Variants in PIEZO2 observed in about 807,000 individuals in gnomAD.
PIEZO2 encodes the protein piezo-type mechanosensitive ion channel component 2.
Under a neutral mutation model 337.3 loss-of-function variants are expected in PIEZO2, and 172 were observed. The ratio of observed to expected loss-of-function variants is 0.51; its 90% CI spans 0.45 to 0.58. The LOEUF (loss-of-function observed/expected upper bound fraction) is 0.58, where lower values mean the gene tolerates loss of function less well. Ranked by LOEUF, PIEZO2 falls within the 20% of genes least tolerant of loss-of-function variation. The pLI, the probability that PIEZO2 is intolerant of heterozygous loss-of-function variation, is 0.00. For synonymous variants in PIEZO2, 1,251 were observed against 1,228.5 expected, an observed-to-expected ratio of 1.02 and a Z score of -0.38; for missense variants, 3,028 against 3,391.3, an observed-to-expected ratio of 0.89 and a Z score of 2.66.
rs2036829225 is a variant in PIEZO2, at chr18:11,033,976, G to C, written c.160+32151C>G. On this transcript the variant is annotated intron_variant, in intron 2 of 55. Transcript: ENST00000674853. The surrounding 1 kb of genome is among the most constrained non-coding windows in gnomAD (Gnocchi z 4.2). ...AATGTTGTGCTGATTTGAAACTGAA[G>C]GGGAAAAAAACCCTCAGATTTAAAA... Among the ~76,000 whole-genome samples the C allele has an allele frequency of 6.6e-6, 1 of 151,500 alleles. No individual in the cohort carries two copies. The highest frequency in any genetic ancestry group is 1.9e-4 in the East Asian group (1 of 5,140).
chr18:10,687,363 T>G (rs572079265), intron 49 of PIEZO2, among the ~76,000 whole-genome samples: 1 of 152,166 alleles, frequency 6.6e-6, no homozygotes, highest in Admixed American at 6.5e-5. Context: ...TCATTCAGCT[T>G]GTGTCACCAT....
At chr18:10,965,041 C>G (rs2033940189) in intron 3 of PIEZO2, among the ~76,000 whole-genome samples, 1 of 152,078 alleles carries the variant, frequency 6.6e-6, no homozygotes, top group African/African-American at 2.4e-5. Context: ...TTCTATTTAT[C>G]TACTTATTCA....
At chr18:11,100,878 A>G (rs377706218) in intron 1 of PIEZO2, among the ~76,000 whole-genome samples, 35 of 152,178 alleles carry the variant, frequency 2.3e-4, no homozygotes, top group African/African-American at 7.7e-4. Context: ...TACAGGCATG[A>G]GCCACCGTGC....
rs2038667931 is a variant in PIEZO2, at chr18:10,773,309, T to C, written c.2785+103A>G. ...AAAAACCACTCCAATTTTTATGTCATGGACTGGGTCAAATATATATTCTTT... is the reference window on the plus strand; with the variant it reads ...AAAAACCACTCCAATTTTTATGTCACGGACTGGGTCAAATATATATTCTTT... On this transcript the variant is annotated intron_variant, in intron 20 of 55. Transcript: ENST00000674853. This position sits in a 1 kb window ranked among gnomAD's most constrained non-coding sequence, Gnocchi z 5.3. The C allele has an allele frequency of 8.4e-7, 1 of 1,195,302 alleles. No individual in the cohort carries two copies. The highest frequency in any genetic ancestry group is 1.5e-5 in the African/African-American group (1 of 65,850). The allele number at this position is 1,195,302 out of a possible 1,614,324, so 74.0% of individuals were successfully genotyped here.
chr18:10,691,916 G>A (rs910312320), intron 47 of PIEZO2, among the ~76,000 whole-genome samples: 1 of 151,182 alleles, frequency 6.6e-6, no homozygotes, highest in Admixed American at 6.6e-5. Flanking sequence ...AACAAACTCT[G>A]GAAACACCTG....
At position 10,980,183 on chromosome 18, in the gene PIEZO2, A is replaced by G. The variant is rs1210806265; in HGVS notation, c.161-523T>C. Among the ~76,000 whole-genome samples, 1 of 152,146 alleles carries G rather than the reference A, an allele frequency of 6.6e-6. No individual in the cohort carries two copies. Among genetic ancestry groups the G allele is most frequent in the East Asian group, 1.9e-4 (1 of 5,198 alleles). On this transcript the variant is annotated intron_variant, in intron 2 of 55. Coordinates refer to ENST00000674853, the MANE Select transcript of PIEZO2 (RefSeq NM_001378183.1). The surrounding 1 kb of genome is among the most constrained non-coding windows in gnomAD (Gnocchi z 4.8). ...TGTTAACCAACTGAAATAGCATAGAAAAAATATAATACATAGGTTAAGGTT... is the reference window on the plus strand; with the variant it reads ...TGTTAACCAACTGAAATAGCATAGAGAAAATATAATACATAGGTTAAGGTT...
At position 11,109,873 on chromosome 18, in the gene PIEZO2, A is replaced by G. The variant is rs2039679493; in HGVS notation, c.64+38652T>C. 6.6e-6 allele frequency among the ~76,000 whole-genome samples: 1 copy of G among 152,204 alleles called. No homozygotes were observed. Among genetic ancestry groups the G allele is most frequent in the African/African-American group, 2.4e-5 (1 of 41,432 alleles). On this transcript the variant is annotated intron_variant, in intron 1 of 55. Coordinates refer to ENST00000674853, the MANE Select transcript of PIEZO2 (RefSeq NM_001378183.1). The surrounding 1 kb of genome is among the most constrained non-coding windows in gnomAD (Gnocchi z 5.1). ...CTTGCTTTCCTTTACTGAAATTTCT[A>G]GTTAGATTTGACTTTATTATAGTCA...
At position 10,696,095 on chromosome 18, in the gene PIEZO2, A is replaced by ATGTG; in HGVS notation, c.7168_7169insCACA (p.Ile2390ThrfsTer8). On this transcript the variant is annotated frameshift_variant, in exon 47 of 56. Coordinates refer to ENST00000674853, the MANE Select transcript of PIEZO2 (RefSeq NM_001378183.1). LOFTEE classifies it high-confidence loss of function. Reference sequence around the variant, plus strand: ...TTACCTCTCAGTCACACCAGGTAAGATGAAGAACATCCAGAAGTGAATTCC... The same window carrying ATGTG: ...TTACCTCTCAGTCACACCAGGTAAGATGTGTGAAGAACATCCAGAAGTGAATTCC... 1 of 1,614,046 alleles carries ATGTG rather than the reference A, an allele frequency of 6.2e-7. No individual in the cohort carries two copies. Among genetic ancestry groups the ATGTG allele is most frequent in the Non-Finnish European group, 8.5e-7 (1 of 1,179,886 alleles).
In PIEZO2 at chr18:11,033,775, T is replaced by G. The variant is rs563857049; in HGVS notation, c.160+32352A>C. On this transcript the variant is annotated intron_variant, in intron 2 of 55. Transcript: ENST00000674853. The surrounding 1 kb of genome is among the most constrained non-coding windows in gnomAD (Gnocchi z 4.2). ...AGGAAGTCAAAATTTGATTTAAAAT[T>G]GGTATCCGACCGAACAAGCTTGGGA... 6.6e-6 allele frequency among the ~76,000 whole-genome samples: 1 copy of G among 152,268 alleles called. No individual in the cohort carries two copies. Among genetic ancestry groups the G allele is most frequent in the African/African-American group, 2.4e-5 (1 of 41,538 alleles).
rs928371338 is a variant in PIEZO2, at chr18:10,766,965, C to T, written c.2946+3183G>A. 2.0e-5 allele frequency among the ~76,000 whole-genome samples: 3 copies of T among 151,716 alleles called. No individual in the cohort carries two copies. The highest frequency in any genetic ancestry group is 2.9e-5 in the Non-Finnish European group (2 of 67,842). The stretch of plus-strand genomic sequence containing the variant: ...CCTCAGGTCTGCAAAAGTTTCCTTC[C>T]TTCCTTCCTCCCACCTTCCATTCCC... On this transcript the variant is annotated intron_variant, in intron 21 of 55. Transcript: ENST00000674853. This position sits in a 1 kb window ranked among gnomAD's most constrained non-coding sequence, Gnocchi z 6.1.
chr18:11,090,689 T>C (rs1296765264), intron 1 of PIEZO2, among the ~76,000 whole-genome samples: 2 of 152,100 alleles, frequency 1.3e-5, no homozygotes, highest in African/African-American at 4.8e-5. Context: ...AGAAGGGCGA[T>C]TCACGAGGTC....
At chr18:10,958,174 T>C (rs190490555) in intron 3 of PIEZO2, among the ~76,000 whole-genome samples, 2 of 152,292 alleles carry the variant, frequency 1.3e-5, no homozygotes, top group East Asian at 3.9e-4. Context: ...TAAAAGTATA[T>C]ACACAATGGA....
At position 10,797,202 on chromosome 18, in the gene PIEZO2, A is replaced by G. The variant is rs200395146; in HGVS notation, c.1527+172T>C. On this transcript the variant is annotated intron_variant, in intron 12 of 55. Coordinates refer to ENST00000674853, the MANE Select transcript of PIEZO2 (RefSeq NM_001378183.1). Reference sequence around the variant, plus strand: ...CTACCATCATATCATACATACCATCATATCATATCTTACATACCATCATAT... The same window carrying G: ...CTACCATCATATCATACATACCATCGTATCATATCTTACATACCATCATAT... Among the ~76,000 whole-genome samples, 157 of 80,874 alleles carry G rather than the reference A, an allele frequency of 1.9e-3. No homozygotes were observed. In the East Asian group the frequency reaches 0.042, roughly 21 times the overall value. 53.1% of individuals were successfully genotyped at this position (80,874 alleles called of 152,430 possible).
chr18:11,090,361 G>T (rs907248274), intron 1 of PIEZO2, among the ~76,000 whole-genome samples: 1 of 152,218 alleles, frequency 6.6e-6, no homozygotes, highest in East Asian at 1.9e-4. Context: ...AAAACAAAGT[G>T]AAACATAAGT....
chr18:10,726,710 G>A lies in PIEZO2; in HGVS notation c.5029+4697C>T. On this transcript the variant is annotated intron_variant, in intron 36 of 55. Transcript: ENST00000674853. This position sits in a 1 kb window ranked among gnomAD's most constrained non-coding sequence, Gnocchi z 5.9. ...AGCAAGGACCAGGTGTACCTGAACG[G>A]CATCCTGTGCATTCTGGGACATCGC... 7.0e-7 allele frequency: 1 copy of A among 1,421,386 alleles called. No homozygotes were observed. Among genetic ancestry groups the A allele is most frequent in the Non-Finnish European group, 9.9e-7 (1 of 1,013,802 alleles). 88.0% of individuals were successfully genotyped at this position (1,421,386 alleles called of 1,614,324 possible).
In PIEZO2 at chr18:10,726,813, G is replaced by C; in HGVS notation, c.5029+4594C>G. 2 of 1,564,378 alleles carry C rather than the reference G, an allele frequency of 1.3e-6. No individual in the cohort carries two copies. Among genetic ancestry groups the C allele is most frequent in the Non-Finnish European group, 1.8e-6 (2 of 1,141,516 alleles). On this transcript the variant is annotated intron_variant, in intron 36 of 55. Coordinates refer to ENST00000674853, the MANE Select transcript of PIEZO2 (RefSeq NM_001378183.1). The surrounding 1 kb of genome is among the most constrained non-coding windows in gnomAD (Gnocchi z 5.9). The stretch of plus-strand genomic sequence containing the variant: ...ATGTGGACCACCTGCGGCCCCATGG[G>C]GTGCTGGATAATACCCGGATGCCCC...
chr18:11,031,082 C>T lies in PIEZO2; in HGVS notation c.160+35045G>A, dbSNP rs892290670. Among the ~76,000 whole-genome samples, 7 of 151,968 alleles carry T rather than the reference C, an allele frequency of 4.6e-5. No individual in the cohort carries two copies. The highest frequency in any genetic ancestry group is 1.5e-4 in the African/African-American group (6 of 41,360). On this transcript the variant is annotated intron_variant, in intron 2 of 55. Coordinates refer to ENST00000674853, the MANE Select transcript of PIEZO2 (RefSeq NM_001378183.1). The surrounding 1 kb of genome is among the most constrained non-coding windows in gnomAD (Gnocchi z 4.7). ...TTGGCTCATTGCAAACGCCGCCTCC[C>T]GGGTTCACACCATTCTCCTGCCTCA...
chr18:10,682,260 C>A lies in PIEZO2; in HGVS notation c.7530G>T (p.Lys2510Asn). Residue 2510 changes from lysine (K) to asparagine (N), a missense_variant, in exon 50 of 56, where the codon AAG becomes AAT. By Grantham distance (94) the Lys-to-Asn change is moderately conservative. Coordinates refer to ENST00000674853, the MANE Select transcript of PIEZO2 (RefSeq NM_001378183.1). This position sits in a 1 kb window ranked among gnomAD's most constrained non-coding sequence, Gnocchi z 5.6. ...RYPQPRGQKKKKVVKYGMGGM... is the reference protein window; with the variant it reads ...RYPQPRGQKKNKVVKYGMGGM... The stretch of plus-strand genomic sequence containing the variant: ...CTCCCATGCCATACTTCACCACTTT[C>A]TTCTTCTTCTGGCCCCGTGGCTGAG... 1 of 1,535,616 alleles carries A rather than the reference C, an allele frequency of 6.5e-7. No individual in the cohort carries two copies. The highest frequency in any genetic ancestry group is 8.7e-7 in the Non-Finnish European group (1 of 1,145,910).
At chr18:10,697,943 C>T in intron 44 of PIEZO2, 63 bp from the exon 45 acceptor site, 1 of 1,536,912 alleles carries the variant, frequency 6.5e-7, no homozygotes, top group East Asian at 2.4e-5. Context: ...CCTAAATATC[C>T]AAGAAGCAGA....
Sources: gnomAD v4.1 joint callset for allele counts (sites outside exome capture counted in the v4.1 genomes callset) on GRCh38, gnomAD v4.1.1 for gene constraint, Gnocchi (gnomAD v3.1) non-coding constraint, MANE v1.5 for transcripts, NCBI Gene and HGNC (gene_info 2026-07-23, HGNC 2026-07-21) for gene names.